The following DOCK1 variants were observed in gnomAD, a reference collection of about 807,000 sequenced individuals.
DOCK1 encodes dedicator of cytokinesis protein 1.
DOCK1 carries 138 observed loss-of-function variants against 262.7 expected under a neutral mutation model. The observed-to-expected ratio is 0.53, with a 90% CI of 0.46 to 0.61. The LOEUF (loss-of-function observed/expected upper bound fraction) is 0.61. DOCK1 is among the 20% of genes least tolerant of loss of function. The pLI is 0.00. For synonymous variants in DOCK1, 866 were observed against 867.4 expected, an observed-to-expected ratio of 1.00 and a Z score of 0.03; for missense variants, 1,908 against 2,370.7, an observed-to-expected ratio of 0.80 and a Z score of 4.05.
In DOCK1 at chr10:127,061,767, C is replaced by G. The variant is rs2045543868; in HGVS notation, c.2436C>G (p.Val812=). Residue 812 remains valine (V), a synonymous_variant, in exon 23 of 52, where the codon GTC becomes GTG. Coordinates refer to ENST00000623213, the MANE Select transcript of DOCK1 (RefSeq NM_001290223.2). ...DMMSSMSDQT[V]RVKGAALKYL... Reference sequence around the variant, plus strand: ...TGAGCAGCATGTCAGACCAGACCGTCCGGGTGAAGGTGAGTGCCGGCCACT... The same window carrying G: ...TGAGCAGCATGTCAGACCAGACCGTGCGGGTGAAGGTGAGTGCCGGCCACT... The G allele has an allele frequency of 6.3e-7, 1 of 1,585,302 alleles. No individual in the cohort carries two copies. Among genetic ancestry groups the G allele is most frequent in the African/African-American group, 1.3e-5 (1 of 74,442 alleles).
At chr10:127,137,553 TG>T in intron 27 of DOCK1, 1 of 316,566 alleles carries the variant, frequency 3.2e-6, no homozygotes, top group Non-Finnish European at 5.8e-6. Context: ...AGATCGGGGG[TG>T]GGGGAAAATT....
At chr10:127,070,250 C>CCTT (rs779994048) in intron 23 of DOCK1, among the ~76,000 whole-genome samples, 8 of 92,948 alleles carry the variant, frequency 8.6e-5, no homozygotes, top group African/African-American at 2.5e-4. Context: ...GAATTTAGCC[C>CCTT]TTTTTTTTTT....
intron 38 of DOCK1, among the ~76,000 whole-genome samples, chr10:127,391,236 CAA>C (rs1190106781): frequency 6.6e-6 from 1 of 152,124 alleles, no homozygotes; most frequent in African/African-American, 2.4e-5. Flanking sequence ...TCCTGTGACT[CAA>C]TTTCATTTCT....
At chr10:127,416,811 A>G (rs539567556) in intron 44 of DOCK1, among the ~76,000 whole-genome samples, 9 of 152,284 alleles carry the variant, frequency 5.9e-5, no homozygotes, top group African/African-American at 1.7e-4. Context: ...CCGGGATGAA[A>G]TGTCGTAGGG....
chr10:127,009,615 G>T (rs1365742383), intron 11 of DOCK1, among the ~76,000 whole-genome samples: 1 of 152,072 alleles, frequency 6.6e-6, no homozygotes, highest in Non-Finnish European at 1.5e-5. Flanking sequence ...GAGAAGGCAT[G>T]GTAAGGGCAG....
rs2042570514 is a variant in DOCK1, at chr10:127,023,193, C to A, written c.1328-7C>A. 6.2e-7 allele frequency: 1 copy of A among 1,612,558 alleles called. No individual in the cohort carries two copies. The highest frequency in any genetic ancestry group is 1.3e-5 in the African/African-American group (1 of 74,830). On this transcript the variant is annotated splice_polypyrimidine_tract_variant and splice_region_variant and intron_variant, in intron 13 of 51. Transcript: ENST00000623213. Reference sequence around the variant, plus strand: ...GTTTTTTAAATGTATGATTTCTCCCCCCTCAGGTGATGTTCGAAATGATAT... The same window carrying A: ...GTTTTTTAAATGTATGATTTCTCCCACCTCAGGTGATGTTCGAAATGATAT...
At chr10:127,299,465 A>C (rs1036574319) in intron 29 of DOCK1, among the ~76,000 whole-genome samples, 1 of 152,218 alleles carries the variant, frequency 6.6e-6, no homozygotes, top group African/African-American at 2.4e-5. Flanking sequence ...ACACAGACAC[A>C]CAGGAAAAAT....
At chr10:127,383,994 A>G (rs893765388) in intron 37 of DOCK1, among the ~76,000 whole-genome samples, 1 of 151,980 alleles carries the variant, frequency 6.6e-6, no homozygotes, top group African/African-American at 2.4e-5. Flanking sequence ...TAGCTCACGC[A>G]GTGTTGTTCT....
At chr10:127,118,485 C>T (rs972951529) in intron 25 of DOCK1, among the ~76,000 whole-genome samples, 1 of 152,176 alleles carries the variant, frequency 6.6e-6, no homozygotes, top group African/African-American at 2.4e-5. Flanking sequence ...ATCTGCTCCC[C>T]CACTGCCTTC....
chr10:127,100,262 C>T lies in DOCK1; in HGVS notation c.2446-5969C>T, dbSNP rs1157830672. On this transcript the variant is annotated intron_variant, in intron 23 of 51. Transcript: ENST00000623213. The surrounding 1 kb of genome is among the most constrained non-coding windows in gnomAD (Gnocchi z 5.5). ...CAGCAAAGCCAATGGGAGGCAGTAGCCGTGCGGCCCAGGTGCTGTTTGTTC... is the reference window on the plus strand; with the variant it reads ...CAGCAAAGCCAATGGGAGGCAGTAGTCGTGCGGCCCAGGTGCTGTTTGTTC... Among the ~76,000 whole-genome samples the T allele has an allele frequency of 1.3e-5, 2 of 152,264 alleles. No homozygotes were observed. The highest frequency in any genetic ancestry group is 3.9e-4 in the East Asian group (2 of 5,168).
At chr10:127,248,559 A>G (rs999008132) in intron 28 of DOCK1, among the ~76,000 whole-genome samples, 9 of 152,228 alleles carry the variant, frequency 5.9e-5, no homozygotes, top group Non-Finnish European at 1.2e-4. Context: ...CATTTCTCCA[A>G]ATAATTCTCT....
At chr10:126,970,098 A>G (rs781085305) in intron 1 of DOCK1, among the ~76,000 whole-genome samples, 1 of 152,176 alleles carries the variant, frequency 6.6e-6, no homozygotes, top group Non-Finnish European at 1.5e-5. Flanking sequence ...TCCATAATGC[A>G]TGAGCAAAAG....
intron 29 of DOCK1, among the ~76,000 whole-genome samples, chr10:127,336,908 TC>T (rs766729602): frequency 3.3e-5 from 5 of 152,176 alleles, no homozygotes; most frequent in Non-Finnish European, 5.9e-5. Flanking sequence ...AGAGCTTAAT[TC>T]GAAGCAGCAT....
intron 1 of DOCK1, among the ~76,000 whole-genome samples, chr10:126,938,794 G>T (rs1463766291): frequency 1.9e-5 from 1 of 51,372 alleles, no homozygotes; most frequent in Non-Finnish European, 5.1e-5. Flanking sequence ...CACCAGCGGG[G>T]ATGAGCACCG....
At chr10:126,994,975 G>A (rs1184089620) in intron 6 of DOCK1, among the ~76,000 whole-genome samples, 8 of 151,272 alleles carry the variant, frequency 5.3e-5, no homozygotes, top group Admixed American at 3.9e-4. Flanking sequence ...GGGGCGGCCC[G>A]TCAGAGACGC....
intron 29 of DOCK1, among the ~76,000 whole-genome samples, chr10:127,336,272 T>G (rs1274839784): frequency 6.6e-6 from 1 of 152,216 alleles, no homozygotes; most frequent in Non-Finnish European, 1.5e-5. Flanking sequence ...TGGAAGTTTC[T>G]GTGCAAGTGA....
chr10:126,938,782 AACACC>A (rs2034734130), intron 1 of DOCK1, among the ~76,000 whole-genome samples: 1 of 50,278 alleles, frequency 2.0e-5, no homozygotes, highest in Non-Finnish European at 5.3e-5. Context: ...GGAGGGGATG[AACACC>A]AGCGGGGATG....
chr10:127,402,051 T>G (rs2134311173), intron 38 of DOCK1, among the ~76,000 whole-genome samples: 1 of 152,322 alleles, frequency 6.6e-6, no homozygotes, highest in Admixed American at 6.5e-5. Flanking sequence ...TATAGGAAGC[T>G]TTCCTGATTG....
At chr10:127,444,515 G>C (rs1332439869) in intron 50 of DOCK1, among the ~76,000 whole-genome samples, 1 of 152,046 alleles carries the variant, frequency 6.6e-6, no homozygotes, top group Non-Finnish European at 1.5e-5. Flanking sequence ...GAAAGTGCAG[G>C]GTCTGTCCCA....
Sources: gnomAD v4.1 joint callset for allele counts (sites outside exome capture counted in the v4.1 genomes callset) on GRCh38, gnomAD v4.1.1 for gene constraint, Gnocchi (gnomAD v3.1) non-coding constraint, MANE v1.5 for transcripts, NCBI Gene and HGNC (gene_info 2026-07-23, HGNC 2026-07-21) for gene names.